The following LDB2 variants were observed in gnomAD, a reference collection of about 807,000 sequenced individuals.
LDB2 encodes the protein LIM domain-binding protein 2.
Under a neutral mutation model 44.3 loss-of-function variants are expected in LDB2, and 12 were observed. The ratio of observed to expected loss-of-function variants is 0.27; its 90% CI spans 0.17 to 0.44. The LOEUF (loss-of-function observed/expected upper bound fraction) is 0.44. Ranked by LOEUF, LDB2 falls within the 20% of genes least tolerant of loss-of-function variation. The pLI, the probability that LDB2 is intolerant of heterozygous loss-of-function variation, is 1.00. For synonymous variants in LDB2, 164 were observed against 174.8 expected, an observed-to-expected ratio of 0.94 and a Z score of 0.49; for missense variants, 344 against 473.5, an observed-to-expected ratio of 0.73 and a Z score of 2.54.
At chr4:16,556,355 C>G (rs1214225297) in intron 5 of LDB2, among the ~76,000 whole-genome samples, 2 of 152,128 alleles carry the variant, frequency 1.3e-5, no homozygotes, top group Non-Finnish European at 2.9e-5. Context: ...AGTAAGTACT[C>G]AATTATTTCA....
chr4:16,789,712 T>C (rs1189188445), intron 1 of LDB2, among the ~76,000 whole-genome samples: 2 of 152,116 alleles, frequency 1.3e-5, no homozygotes, highest in African/African-American at 4.8e-5. Context: ...AGCAGATCAC[T>C]TAAGGTCAGG....
chr4:16,673,969 C>T (rs1307810740), intron 2 of LDB2, among the ~76,000 whole-genome samples: 1 of 152,144 alleles, frequency 6.6e-6, no homozygotes, highest in Admixed American at 6.5e-5. Flanking sequence ...GTGCCCAGAG[C>T]ACTGAGAGAG....
intron 2 of LDB2, among the ~76,000 whole-genome samples, chr4:16,669,761 G>A (rs1211157402): frequency 6.6e-6 from 1 of 152,148 alleles, no homozygotes; most frequent in East Asian, 1.9e-4. Flanking sequence ...GGCTTGTCCT[G>A]TTCCATGGAG....
chr4:16,813,396 T>C (rs961687325), intron 1 of LDB2, among the ~76,000 whole-genome samples: 1 of 152,146 alleles, frequency 6.6e-6, no homozygotes, highest in African/African-American at 2.4e-5. Flanking sequence ...GAGAGCCCAA[T>C]GCATAGTGAA....
At chr4:16,567,387 C>T (rs756904469) in intron 5 of LDB2, among the ~76,000 whole-genome samples, 5 of 14,900 alleles carry the variant, frequency 3.4e-4, no homozygotes, top group Admixed American at 1.2e-3. Context: ...TGTGTGTGCG[C>T]GTGTGTGCAT....
chr4:16,623,372 C>A (rs1025089958), intron 2 of LDB2, among the ~76,000 whole-genome samples: 5 of 152,082 alleles, frequency 3.3e-5, no homozygotes, highest in African/African-American at 4.8e-5. Context: ...CCGAGGCGGG[C>A]GGATTACCTG....
At chr4:16,797,383 C>T (rs1219414057) in intron 1 of LDB2, among the ~76,000 whole-genome samples, 1 of 152,104 alleles carries the variant, frequency 6.6e-6, no homozygotes, top group Non-Finnish European at 1.5e-5. Flanking sequence ...AACGTAAGAT[C>T]TTGACAGCTG....
At position 16,676,434 on chromosome 4, in the gene LDB2, C is replaced by T. The variant is rs554610264; in HGVS notation, c.236-80559G>A. Among the ~76,000 whole-genome samples the T allele has an allele frequency of 9.8e-5, 15 of 152,316 alleles. No homozygotes were observed. In the East Asian group the frequency reaches 1.9e-3, roughly 20 times the overall value. Reference sequence around the variant, plus strand: ...GAGGTATCTTAAGGGGAAGCCCCTTCGCCAAGATCACGGAACACCCTGGGG... The same window carrying T: ...GAGGTATCTTAAGGGGAAGCCCCTTTGCCAAGATCACGGAACACCCTGGGG... On this transcript the variant is annotated intron_variant, in intron 2 of 7. Coordinates refer to ENST00000304523, the MANE Select transcript of LDB2 (RefSeq NM_001290.5).
intron 2 of LDB2, among the ~76,000 whole-genome samples, chr4:16,721,542 C>G (rs1758282884): frequency 6.6e-6 from 1 of 152,040 alleles, no homozygotes; most frequent in Non-Finnish European, 1.5e-5. Context: ...AAAATTTCCC[C>G]TGGGCTCTCT....
intron 2 of LDB2, among the ~76,000 whole-genome samples, chr4:16,651,874 G>A (rs774870187): frequency 2.0e-5 from 3 of 152,066 alleles, no homozygotes; most frequent in Middle Eastern, 3.2e-3. Flanking sequence ...TAGCAAAACA[G>A]GTGTCATCAG....
chr4:16,524,083 G>A (rs1727296256), intron 5 of LDB2, among the ~76,000 whole-genome samples: 1 of 152,186 alleles, frequency 6.6e-6, no homozygotes, highest in African/African-American at 2.4e-5. Flanking sequence ...TTGAAAATAG[G>A]GATGCGGTAG....
chr4:16,776,435 C>G (rs1345672799), intron 1 of LDB2, among the ~76,000 whole-genome samples: 1 of 152,170 alleles, frequency 6.6e-6, no homozygotes, highest in Non-Finnish European at 1.5e-5. Flanking sequence ...AAGAAGAAAT[C>G]TCTAAATTCC....
chr4:16,604,601 T>A (rs917758021), intron 2 of LDB2, among the ~76,000 whole-genome samples: 1 of 151,420 alleles, frequency 6.6e-6, no homozygotes, highest in Non-Finnish European at 1.5e-5. Context: ...GCATTCTTTT[T>A]TCTCCTTGAT....
intron 2 of LDB2, among the ~76,000 whole-genome samples, chr4:16,727,585 C>T (rs947188507): frequency 6.6e-6 from 1 of 152,192 alleles, no homozygotes; most frequent in Non-Finnish European, 1.5e-5. Flanking sequence ...CTGAATGATT[C>T]TTCAAGCACA....
At chr4:16,610,336 A>C (rs1050952984) in intron 2 of LDB2, among the ~76,000 whole-genome samples, 1 of 152,160 alleles carries the variant, frequency 6.6e-6, no homozygotes, top group African/African-American at 2.4e-5. Context: ...CTCTCCATCA[A>C]GGGTGCAGAA....
chr4:16,748,632 G>C (rs1437417614), intron 2 of LDB2, among the ~76,000 whole-genome samples: 1 of 152,116 alleles, frequency 6.6e-6, no homozygotes, highest in Non-Finnish European at 1.5e-5. Context: ...ACATGAATAT[G>C]AAGATTAAGC....
At position 16,533,445 on chromosome 4, in the gene LDB2, C is replaced by T. The variant is rs571108484; in HGVS notation, c.616-21341G>A. ...TACAAGAAATCGCAAACTTCAGAGC[C>T]CTGGTTGCTGAGTTCCAAAGTGGAT... is the stretch of plus-strand genomic sequence containing the variant. On this transcript the variant is annotated intron_variant, in intron 5 of 7. Coordinates refer to ENST00000304523, the MANE Select transcript of LDB2 (RefSeq NM_001290.5). This position sits in a 1 kb window ranked among gnomAD's most constrained non-coding sequence, Gnocchi z 4.1. Among the ~76,000 whole-genome samples, 9 of 152,270 alleles carry T rather than the reference C, an allele frequency of 5.9e-5. No individual in the cohort carries two copies. In the South Asian group the frequency reaches 1.9e-3, roughly 32 times the overall value.
At chr4:16,838,674 C>T (rs1189902993) in intron 1 of LDB2, among the ~76,000 whole-genome samples, 2 of 151,688 alleles carry the variant, frequency 1.3e-5, no homozygotes, top group African/African-American at 4.8e-5. Context: ...ACTGAGGTCA[C>T]CAAACTTGGC....
intron 1 of LDB2, among the ~76,000 whole-genome samples, chr4:16,842,460 T>C (rs1265689606): frequency 6.6e-6 from 1 of 152,210 alleles, no homozygotes; most frequent in Non-Finnish European, 1.5e-5. Context: ...AACAGTTATT[T>C]AAAATATATA....
Sources: gnomAD v4.1 joint callset for allele counts (sites outside exome capture counted in the v4.1 genomes callset) on GRCh38, gnomAD v4.1.1 for gene constraint, Gnocchi (gnomAD v3.1) non-coding constraint, MANE v1.5 for transcripts, NCBI Gene and HGNC (gene_info 2026-07-23, HGNC 2026-07-21) for gene names.